The following CAMSAP1 variants were observed in gnomAD, a reference collection of about 807,000 sequenced individuals.
CAMSAP1 encodes calmodulin regulated spectrin associated protein 1.
In CAMSAP1, 58 loss-of-function variants were observed where a neutral mutation model predicts 143.5. That is an observed-to-expected ratio of 0.40 (90% CI 0.33 to 0.50). The LOEUF is 0.50. Among genes scored for constraint, CAMSAP1 ranks in the 20% least tolerant of loss-of-function variants. CAMSAP1 has a pLI of 0.45. For missense variants in CAMSAP1, 1,969 were observed against 2,115.7 expected, an observed-to-expected ratio of 0.93 and a Z score of 1.36; for synonymous variants, 945 against 859.3, an observed-to-expected ratio of 1.10 and a Z score of -1.74.
At chr9:135,835,214 C>T (rs577565145) in intron 7 of CAMSAP1, among the ~76,000 whole-genome samples, 1 of 152,236 alleles carries the variant, frequency 6.6e-6, no homozygotes, top group East Asian at 1.9e-4. Flanking sequence ...CAAGGGACAG[C>T]AAAGGAGGGG....
chr9:135,886,200 G>A (rs1000464488), intron 1 of CAMSAP1, among the ~76,000 whole-genome samples: 3 of 152,164 alleles, frequency 2.0e-5, no homozygotes, highest in African/African-American at 4.8e-5. Flanking sequence ...GCCAGAAAAT[G>A]TACAAAAATG....
intron 5 of CAMSAP1, among the ~76,000 whole-genome samples, chr9:135,857,995 T>A (rs1177366708): frequency 6.6e-6 from 1 of 152,140 alleles, no homozygotes; most frequent in Non-Finnish European, 1.5e-5. Flanking sequence ...AGAAGCAAAG[T>A]GAACCTGAGC....
At position 135,850,232 on chromosome 9, in the gene CAMSAP1, G is replaced by A. The variant is rs1345419034; in HGVS notation, c.950C>T (p.Pro317Leu). 2.5e-6 allele frequency: 4 copies of A among 1,612,588 alleles called. No individual in the cohort carries two copies. The highest frequency in any genetic ancestry group is 1.1e-5 in the South Asian group (1 of 90,842). ...DMLYAPLVLK[P>L]NVMVFIAELF... ...CTCCGCAATAAAAACCATAACATTCGGCTAAAAGACAAAAACAAAAAACCA... is the reference window on the plus strand; with the variant it reads ...CTCCGCAATAAAAACCATAACATTCAGCTAAAAGACAAAAACAAAAAACCA... Residue 317 changes from proline to leucine, a missense_variant and splice_region_variant, in exon 7 of 17, where the codon CCG becomes CTG. This residue lies in a region of CAMSAP1 where 221 missense variants were observed against 298.2 expected (regional missense o/e 0.74). Coordinates refer to ENST00000389532, the MANE Select transcript of CAMSAP1 (RefSeq NM_015447.4).
Position 135,822,209 on chromosome 9 carries a change from C to T in CAMSAP1, c.2452G>A (p.Ala818Thr). 4.3e-6 allele frequency: 7 copies of T among 1,613,986 alleles called. No homozygotes were observed. The highest frequency in any genetic ancestry group is 5.9e-6 in the Non-Finnish European group (7 of 1,179,906). ...ASGSVKMTSFAERKLQRLNSC... is the reference protein window; with the variant it reads ...ASGSVKMTSFTERKLQRLNSC... ...TTGAGTCTCTGGAGCTTCCTCTCCGCAAAGCTGGTCATCTTCACGCTCCCA... is the reference window on the plus strand; with the variant it reads ...TTGAGTCTCTGGAGCTTCCTCTCCGTAAAGCTGGTCATCTTCACGCTCCCA... The change falls in exon 11 of 17, where the codon GCG (alanine) becomes ACG (threonine). Residue 818 changes from alanine (A) to threonine (T), a missense_variant. Ala to Thr is a moderately conservative substitution (Grantham distance 58). Around this residue, in one of 4 missense-constraint regions of CAMSAP1, gnomAD observed 1,390 missense variants for 1,420.8 expected, o/e 0.98. Coordinates refer to ENST00000389532, the MANE Select transcript of CAMSAP1 (RefSeq NM_015447.4). This position sits in a 1 kb window ranked among gnomAD's most constrained non-coding sequence, Gnocchi z 6.1.
chr9:135,875,681 A>G (rs755533433), intron 3 of CAMSAP1, among the ~76,000 whole-genome samples: 5 of 152,240 alleles, frequency 3.3e-5, no homozygotes, highest in Non-Finnish European at 7.3e-5. Flanking sequence ...AAGTAATTCA[A>G]TAAGGAAAGG....
chr9:135,820,034 TTC>T lies in CAMSAP1; in HGVS notation c.3822+803_3822+804del, dbSNP rs1835388894. 6.6e-6 allele frequency among the ~76,000 whole-genome samples: 1 copy of T among 152,152 alleles called. No individual in the cohort carries two copies. Among genetic ancestry groups the T allele is most frequent in the Admixed American group, 6.5e-5 (1 of 15,272 alleles). ...GCGTGTCGCTTGCCGAGAGAAAACG[TTC>T]TGAGAAATAGGTCCTCAGGTGACTC... On this transcript the variant is annotated intron_variant, in intron 11 of 16. Coordinates refer to ENST00000389532, the MANE Select transcript of CAMSAP1 (RefSeq NM_015447.4). This position sits in a 1 kb window ranked among gnomAD's most constrained non-coding sequence, Gnocchi z 4.4.
intron 8 of CAMSAP1, among the ~76,000 whole-genome samples, chr9:135,825,709 T>A (rs1163582985): frequency 6.6e-6 from 1 of 152,116 alleles, no homozygotes; most frequent in African/African-American, 2.4e-5. Context: ...CTTGCTTGTT[T>A]CACTTTGGGG....
In CAMSAP1 at chr9:135,818,185, C is replaced by A; in HGVS notation, c.4169-106G>T. 2.4e-6 allele frequency: 3 copies of A among 1,257,428 alleles called. 1 individual carries two copies. The highest frequency in any genetic ancestry group is 2.8e-5 in the South Asian group (2 of 72,262). 77.9% of individuals were successfully genotyped at this position (1,257,428 alleles called of 1,614,324 possible). On this transcript the variant is annotated intron_variant, in intron 13 of 16. Coordinates refer to ENST00000389532, the MANE Select transcript of CAMSAP1 (RefSeq NM_015447.4). This position sits in a 1 kb window ranked among gnomAD's most constrained non-coding sequence, Gnocchi z 7.7. ...CCTCGCCCTGCAGAGCTCGGCCACACAGGCCGCGTCCCCACCCCATCCCGG... is the reference window on the plus strand; with the variant it reads ...CCTCGCCCTGCAGAGCTCGGCCACAAAGGCCGCGTCCCCACCCCATCCCGG...
At chr9:135,899,620 T>C (rs988713933) in intron 1 of CAMSAP1, among the ~76,000 whole-genome samples, 4 of 152,154 alleles carry the variant, frequency 2.6e-5, no homozygotes, top group Non-Finnish European at 5.9e-5. Context: ...CATTCTGCGC[T>C]CTGGCCTCAG....
Position 135,877,864 on chromosome 9 carries a change from T to A in CAMSAP1, c.585+3769A>T, listed in dbSNP as rs538696112. Among the ~76,000 whole-genome samples the A allele has an allele frequency of 3.3e-3, 499 of 151,812 alleles. 3 individuals are homozygous for A. Among genetic ancestry groups the A allele is most frequent in the Middle Eastern group, 3.4e-3 (1 of 294 alleles). On this transcript the variant is annotated intron_variant, in intron 3 of 16. Coordinates refer to ENST00000389532, the MANE Select transcript of CAMSAP1 (RefSeq NM_015447.4). ...ACAACAACAACTGGCTGGGCATCAA[T>A]AAAAAATAAAAAGAGCCCCTGCAAG...
intron 1 of CAMSAP1, among the ~76,000 whole-genome samples, chr9:135,892,256 G>C (rs536840803): frequency 2.0e-5 from 3 of 152,044 alleles, no homozygotes; most frequent in African/African-American, 7.3e-5. Flanking sequence ...AAACAGGCCC[G>C]CAGGACCCCA....
chr9:135,843,573 A>G (rs1836439832), intron 7 of CAMSAP1, among the ~76,000 whole-genome samples: 1 of 152,072 alleles, frequency 6.6e-6, no homozygotes, highest in Non-Finnish European at 1.5e-5. Flanking sequence ...AAAGGGATCA[A>G]TGCAATAAGA....
chr9:135,903,663 CT>C (rs562633955), intron 1 of CAMSAP1, among the ~76,000 whole-genome samples: 308 of 152,342 alleles, frequency 2.0e-3, no homozygotes, highest in African/African-American at 7.1e-3. Context: ...GGAGGATGGG[CT>C]TTAGTTAGCA....
chr9:135,824,006 G>A lies in CAMSAP1; in HGVS notation c.1344C>T (p.Thr448=). ...CTCCTCGAGGCTGACCATCAACTCG[G>A]GTCAAAGAATTCGATCGATGTCGCT... ...PDQRHRSNSL[T]RVDGQPRGAA... The change falls in exon 10 of 17, where the codon ACC becomes ACT. Residue 448 remains threonine, a synonymous_variant. Transcript: ENST00000389532. This position sits in a 1 kb window ranked among gnomAD's most constrained non-coding sequence, Gnocchi z 4.1. The A allele has an allele frequency of 1.9e-6, 3 of 1,588,018 alleles. No individual in the cohort carries two copies. Among genetic ancestry groups the A allele is most frequent in the South Asian group, 1.2e-5 (1 of 86,480 alleles).
At chr9:135,901,375 G>A (rs886831358) in intron 1 of CAMSAP1, among the ~76,000 whole-genome samples, 4 of 152,172 alleles carry the variant, frequency 2.6e-5, no homozygotes, top group Admixed American at 6.5e-5. Flanking sequence ...GCCAAGGTGG[G>A]TAGGAGCACT....
In CAMSAP1 at chr9:135,892,819, C is replaced by A. The variant is rs140568641; in HGVS notation, c.161-9741G>T. 9.4e-3 allele frequency among the ~76,000 whole-genome samples: 1,102 copies of A among 117,538 alleles called. 10 individuals are homozygous for A. Among genetic ancestry groups the A allele is most frequent in the Non-Finnish European group, 0.015 (862 of 59,048 alleles). The allele number at this position is 117,538 out of a possible 152,430, so 77.1% of individuals were successfully genotyped here. ...TAATCCAAGATCACAACATTGCACTCCAGCCTGGGCAACAGAGCAAGACTG... is the reference window on the plus strand; with the variant it reads ...TAATCCAAGATCACAACATTGCACTACAGCCTGGGCAACAGAGCAAGACTG... On this transcript the variant is annotated intron_variant, in intron 1 of 16. Coordinates refer to ENST00000389532, the MANE Select transcript of CAMSAP1 (RefSeq NM_015447.4).
At chr9:135,856,115 G>C (rs974350204) in intron 5 of CAMSAP1, among the ~76,000 whole-genome samples, 53 of 152,290 alleles carry the variant, frequency 3.5e-4, no homozygotes, top group African/African-American at 1.3e-3. Flanking sequence ...AAAAGCTTAA[G>C]AGAACTAGGT....
At chr9:135,851,342 A>C (rs763775903) in intron 5 of CAMSAP1, among the ~76,000 whole-genome samples, 1 of 152,244 alleles carries the variant, frequency 6.6e-6, no homozygotes, top group Non-Finnish European at 1.5e-5. Flanking sequence ...GAGCCACAGC[A>C]TCCAGAGTCG....
intron 4 of CAMSAP1, among the ~76,000 whole-genome samples, chr9:135,863,952 C>T (rs756988241): frequency 3.3e-5 from 5 of 152,168 alleles, no homozygotes; most frequent in Non-Finnish European, 7.4e-5. Flanking sequence ...TCAGGTGAAA[C>T]ACTCCGGAAC....
Sources: gnomAD v4.1 joint callset for allele counts (sites outside exome capture counted in the v4.1 genomes callset) on GRCh38, gnomAD v4.1.1 for gene constraint, gnomAD v4.1.1 regional missense constraint, Gnocchi (gnomAD v3.1) non-coding constraint, MANE v1.5 for transcripts, NCBI Gene and HGNC (gene_info 2026-07-23, HGNC 2026-07-21) for gene names.